Variants in BBC3 observed in about 807,000 individuals in gnomAD.
The protein encoded by BBC3 is bcl-2-binding component 3.
A neutral mutation model predicts 18.2 loss-of-function variants in BBC3; 5 were observed. The observed-to-expected ratio is 0.27, with a 90% CI of 0.14 to 0.58. BBC3 has a LOEUF of 0.58. Among genes scored for constraint, BBC3 ranks in the 20% least tolerant of loss-of-function variants. The pLI is 0.91. For missense variants in BBC3, 224 were observed against 268.9 expected (o/e 0.83, Z 1.17); for synonymous variants, 119 against 128.0 (o/e 0.93, Z 0.47).
intron 2 of BBC3, chr19:47,227,026 G>A: frequency 2.8e-6 from 1 of 359,096 alleles, no homozygotes; most frequent in Non-Finnish European, 5.1e-6. Context: ...CCCCGGGGGT[G>A]GTCAGGCTTA....
chr19:47,225,892 G>A (rs1411670830), intron 3 of BBC3, among the ~76,000 whole-genome samples: 6 of 152,190 alleles, frequency 3.9e-5, no homozygotes, highest in Non-Finnish European at 8.8e-5. Context: ...GGGAAGGGAT[G>A]GGGAGAGTAA....
Position 47,221,847 on chromosome 19 carries a change from C to A in BBC3, c.537G>T (p.Leu179=). The A allele has an allele frequency of 6.2e-7, 1 of 1,613,800 alleles. No homozygotes were observed. Among genetic ancestry groups the A allele is most frequent in the Non-Finnish European group, 8.5e-7 (1 of 1,179,866 alleles). The change falls in exon 4 of 4, where the codon CTG becomes CTT. Residue 179 remains leucine (L), a synonymous_variant. Coordinates refer to ENST00000439096, the MANE Select transcript of BBC3 (RefSeq NM_014417.5). The part of the protein sequence containing the change: ...RVLYNLIMGL[L]PLPRGHRAPE... ...GGGCTCTGTGGCCCCTGGGTAAGGG[C>A]AGGAGTCCCATGATGAGATTGTACA...
At chr19:47,226,969 T>A in intron 2 of BBC3, 1 of 372,710 alleles carries the variant, frequency 2.7e-6, no homozygotes, top group Non-Finnish European at 4.8e-6. Flanking sequence ...GCCAGCTACG[T>A]CCCCACGGCC....
chr19:47,223,588 T>C (rs905329515), intron 3 of BBC3, among the ~76,000 whole-genome samples: 1 of 152,100 alleles, frequency 6.6e-6, no homozygotes, highest in South Asian at 2.1e-4. Flanking sequence ...TTTTTTTAAG[T>C]GTACAGAGAG....
intron 3 of BBC3, among the ~76,000 whole-genome samples, chr19:47,224,210 A>G (rs2058784623): frequency 6.6e-6 from 1 of 151,232 alleles, no homozygotes; most frequent in Non-Finnish European, 1.5e-5. Flanking sequence ...CAGGAGAATC[A>G]CTTGAACCCG....
In BBC3 at chr19:47,226,762, A is replaced by G. The variant is rs2058830412; in HGVS notation, c.275-8T>C. 1 of 1,387,322 alleles carries G rather than the reference A, an allele frequency of 7.2e-7. No homozygotes were observed. The highest frequency in any genetic ancestry group is 3.1e-5 in the East Asian group (1 of 32,672). The allele number at this position is 1,387,322 out of a possible 1,614,324, so 85.9% of individuals were successfully genotyped here. A position where few individuals can be genotyped will look rare whatever the true frequency, so the allele number is the denominator to read the frequency against. On this transcript the variant is annotated splice_polypyrimidine_tract_variant and splice_region_variant and intron_variant, in intron 2 of 3. Transcript: ENST00000439096. ...AGAGCGAGGGCTGAGGACCTTGGAG[A>G]GGCAGAGGGGCGCGGTCAGCACCCA...
At chr19:47,231,312 C>T, upstream of BBC3, 1 of 639,384 alleles carries the variant, frequency 1.6e-6, no homozygotes, top group Non-Finnish European at 1.9e-6. The surrounding 1 kb of genome is among the most constrained non-coding windows in gnomAD (Gnocchi z 4.0). Context: ...GCCCCGCCCG[C>T]CCGCCGCGGA....
chr19:47,232,183 C>T (rs895495013), upstream of BBC3, among the ~76,000 whole-genome samples: 19 of 152,218 alleles, frequency 1.2e-4, no homozygotes, highest in Non-Finnish European at 1.5e-4. Context: ...GAAACCCCAT[C>T]TCTACTAAAA....
At chr19:47,229,229 CCACA>C (rs1365169743) in intron 1 of BBC3, among the ~76,000 whole-genome samples, 2 of 151,566 alleles carry the variant, frequency 1.3e-5, no homozygotes, top group Non-Finnish European at 2.9e-5. Context: ...ATGCCCCTCT[CCACA>C]CACACACACT....
chr19:47,228,488 C>A lies in BBC3; in HGVS notation c.-15-42G>T. ...GAGGAGCAGGTCAGCAGGGAAGTAC[C>A]AGGGCCCACTGTACCTCCAGCCTAC... On this transcript the variant is annotated intron_variant, in intron 1 of 3. Transcript: ENST00000439096. The surrounding 1 kb of genome is among the most constrained non-coding windows in gnomAD (Gnocchi z 5.5). 1 of 1,229,790 alleles carries A rather than the reference C, an allele frequency of 8.1e-7. No homozygotes were observed. Among genetic ancestry groups the A allele is most frequent in the South Asian group, 4.1e-5 (1 of 24,276 alleles). The allele number at this position is 1,229,790 out of a possible 1,614,324, so 76.2% of individuals were successfully genotyped here.
chr19:47,226,565 C>T lies in BBC3; in HGVS notation c.464G>A (p.Arg155Gln), dbSNP rs866928768. Residue 155 changes from arginine to glutamine, a missense_variant and splice_region_variant, in exon 3 of 4, where the codon CGG becomes CAG. By Grantham distance (43) the Arg-to-Gln change is conservative. Transcript: ENST00000439096. The stretch of plus-strand genomic sequence containing the variant: ...GTCTACCCCACCCCCAGCACTCACC[C>T]GCCGCTCGTACTGTGCGTTGAGGTC... ...ADDLNAQYER[R>Q]RQEEQQRHRP... 4 of 1,563,008 alleles carry T rather than the reference C, an allele frequency of 2.6e-6. No individual in the cohort carries two copies. Among genetic ancestry groups the T allele is most frequent in the South Asian group, 1.2e-5 (1 of 85,560 alleles).
chr19:47,221,540 C>T lies in BBC3; in HGVS notation c.*262G>A. 1 of 659,040 alleles carries T rather than the reference C, an allele frequency of 1.5e-6. No individual in the cohort carries two copies. Among genetic ancestry groups the T allele is most frequent in the Non-Finnish European group, 2.4e-6 (1 of 411,726 alleles). 40.8% of individuals were successfully genotyped at this position (659,040 alleles called of 1,614,324 possible). A position where few individuals can be genotyped will look rare whatever the true frequency, so the allele number is the denominator to read the frequency against. On this transcript the variant is annotated 3_prime_UTR_variant, in exon 4 of 4. Transcript: ENST00000439096. Reference sequence around the variant, plus strand: ...GGCTCAGTCCCCACCCCCTCGGTCACCGCCACCTTCCGATGCTGAGTCCAT... The same window carrying T: ...GGCTCAGTCCCCACCCCCTCGGTCATCGCCACCTTCCGATGCTGAGTCCAT...
At chr19:47,223,482 G>A (rs868305844) in intron 3 of BBC3, among the ~76,000 whole-genome samples, 2 of 151,754 alleles carry the variant, frequency 1.3e-5, no homozygotes, top group Middle Eastern at 3.4e-3. Flanking sequence ...CAGGAGAATC[G>A]CTTGAACCCG....
In BBC3 at chr19:47,226,621, C is replaced by A; in HGVS notation, c.408G>T (p.Glu136Asp). Residue 136 changes from glutamate (E) to aspartate (D), a missense_variant, in exon 3 of 4, where the codon GAG (glutamate) becomes GAT (aspartate). Transcript: ENST00000439096. ...CCATCCGCCGCAGCTGGGCCCCGAT[C>A]TCCCGGGCCCACTGTTCCTCCTCCC... is the stretch of plus-strand genomic sequence containing the variant. ...VRGEEEQWAR[E>D]IGAQLRRMAD... 1 of 1,573,402 alleles carries A rather than the reference C, an allele frequency of 6.4e-7. No homozygotes were observed. Among genetic ancestry groups the A allele is most frequent in the Admixed American group, 1.8e-5 (1 of 55,980 alleles).
chr19:47,225,283 A>G (rs2058800446), intron 3 of BBC3, among the ~76,000 whole-genome samples: 1 of 151,890 alleles, frequency 6.6e-6, no homozygotes, highest in South Asian at 2.1e-4. Context: ...CCCAACCTCA[A>G]GTGAGCCACT....
At position 47,226,594 on chromosome 19, in the gene BBC3, C is replaced by A; in HGVS notation, c.435G>T (p.Ala145=). 6.3e-7 allele frequency: 1 copy of A among 1,581,574 alleles called. No individual in the cohort carries two copies. The change falls in exon 3 of 4, where the codon GCG becomes GCT. Residue 145 remains alanine (A), a synonymous_variant. Transcript: ENST00000439096. ...REIGAQLRRM[A]DDLNAQYERR... is the part of the protein sequence containing the mutation. ...GCTCGTACTGTGCGTTGAGGTCGTC[C>A]GCCATCCGCCGCAGCTGGGCCCCGA...
Position 47,226,594 on chromosome 19 carries a change from C to T in BBC3, c.435G>A (p.Ala145=), listed in dbSNP as rs916949219. 1.9e-6 allele frequency: 3 copies of T among 1,581,458 alleles called. No individual in the cohort carries two copies. Among genetic ancestry groups the T allele is most frequent in the Admixed American group, 1.8e-5 (1 of 57,090 alleles). The change falls in exon 3 of 4, where the codon GCG becomes GCA. Residue 145 remains alanine, a synonymous_variant. Coordinates refer to ENST00000439096, the MANE Select transcript of BBC3 (RefSeq NM_014417.5). ...REIGAQLRRM[A]DDLNAQYERR... is the part of the protein sequence containing the mutation. ...GCTCGTACTGTGCGTTGAGGTCGTC[C>T]GCCATCCGCCGCAGCTGGGCCCCGA...
In BBC3 at chr19:47,228,054, G is replaced by T; in HGVS notation, c.274+104C>A. The T allele has an allele frequency of 1.0e-6, 1 of 978,436 alleles. No individual in the cohort carries two copies. Among genetic ancestry groups the T allele is most frequent in the Non-Finnish European group, 1.3e-6 (1 of 765,732 alleles). The allele number at this position is 978,436 out of a possible 1,614,324, so 60.6% of individuals were successfully genotyped here. A position where few individuals can be genotyped will look rare whatever the true frequency, so the allele number is the denominator to read the frequency against. ...CACACCCTCCCAGTGGCCCGGCTGG[G>T]CCCGCCACCTCCCCCCGTCCTCTCC... On this transcript the variant is annotated intron_variant, in intron 2 of 3. Transcript: ENST00000439096. This position sits in a 1 kb window ranked among gnomAD's most constrained non-coding sequence, Gnocchi z 5.5.
upstream of BBC3, chr19:47,231,233 G>GCCGCC (rs943175432): frequency 2.4e-4 from 238 of 976,374 alleles, no homozygotes; most frequent in East Asian, 2.0e-3. The surrounding 1 kb of genome is among the most constrained non-coding windows in gnomAD (Gnocchi z 4.0). Context: ...CCGCTCCAAA[G>GCCGCC]CCGCCCCGCC....
Sources: allele counts gnomAD v4.1 joint callset (sites outside exome capture counted in the v4.1 genomes callset), GRCh38; gene constraint gnomAD v4.1.1; non-coding constraint Gnocchi (gnomAD v3.1); transcripts MANE v1.5; gene names NCBI Gene and HGNC (gene_info 2026-07-23, HGNC 2026-07-21).